The following JCHAIN variants were observed in gnomAD, a reference collection of about 807,000 sequenced individuals.
JCHAIN encodes joining chain of multimeric IgA and IgM, also known as immunoglobulin J chain.
JCHAIN carries 5 observed loss-of-function variants against 11.1 expected under a neutral mutation model. The ratio of observed to expected loss-of-function variants is 0.45; its 90% CI spans 0.24 to 0.95. The LOEUF (loss-of-function observed/expected upper bound fraction) is 0.95, where lower values mean the gene tolerates loss of function less well. JCHAIN is among the 40% of genes least tolerant of loss of function. The probability of loss-of-function intolerance (pLI) is 0.21; values close to 1 mark genes in which losing one functional copy is unlikely to be tolerated. For missense variants in JCHAIN, 165 were observed against 192.7 expected (o/e 0.86, Z 0.85); for synonymous variants, 51 against 67.8 (o/e 0.75, Z 1.22).
chr4:70,664,848 C>T (rs563576154), intron 1 of JCHAIN, among the ~76,000 whole-genome samples: 4 of 152,186 alleles, frequency 2.6e-5, no homozygotes, highest in South Asian at 2.1e-4. Flanking sequence ...TACTTCCTTA[C>T]CAGAAACCTG....
chr4:70,657,283 A>C lies in JCHAIN; in HGVS notation c.197T>G (p.Leu66Arg). 1.3e-6 allele frequency: 2 copies of C among 1,587,370 alleles called. No homozygotes were observed. Among genetic ancestry groups the C allele is most frequent in the Non-Finnish European group, 1.7e-6 (2 of 1,157,312 alleles). The change falls in exon 3 of 4, where the codon CTG becomes CGG. Residue 66 changes from leucine (L) to arginine (R), a missense_variant. Transcript: ENST00000254801. ...VERNIRIIVP[L>R]NNRENISDPT... is the part of the protein sequence containing the mutation. ...ATCAGAGATATTCTCCCTGTTGTTCAGAGGAACACTAAAAGAAAAGAAAGA... is the reference window on the plus strand; with the variant it reads ...ATCAGAGATATTCTCCCTGTTGTTCCGAGGAACACTAAAAGAAAAGAAAGA...
chr4:70,662,568 CTT>C (rs1470319394), intron 1 of JCHAIN, among the ~76,000 whole-genome samples: 8 of 152,092 alleles, frequency 5.3e-5, no homozygotes, highest in Non-Finnish European at 1.2e-4. Context: ...TTTTGTAAGA[CTT>C]TTAAATATTC....
At chr4:70,662,520 A>G (rs1230399838) in intron 1 of JCHAIN, among the ~76,000 whole-genome samples, 1 of 152,138 alleles carries the variant, frequency 6.6e-6, no homozygotes, top group Non-Finnish European at 1.5e-5. Context: ...ATTGTATTAT[A>G]GTTAAGAACA....
chr4:70,664,780 G>C (rs1040761876), intron 1 of JCHAIN, among the ~76,000 whole-genome samples: 1 of 152,134 alleles, frequency 6.6e-6, no homozygotes, highest in Admixed American at 6.5e-5. Context: ...TTGTTGAGGA[G>C]TGACTTGACT....
At chr4:70,663,500 T>C (rs1202522147) in intron 1 of JCHAIN, 1 of 151,910 alleles carries the variant, frequency 6.6e-6, no homozygotes, top group Non-Finnish European at 1.5e-5. Flanking sequence ...CCTTGATAAG[T>C]ATTGCAAGGA....
chr4:70,664,894 A>G (rs1004072999), intron 1 of JCHAIN, among the ~76,000 whole-genome samples: 1 of 152,234 alleles, frequency 6.6e-6, no homozygotes, highest in Non-Finnish European at 1.5e-5. Flanking sequence ...GCAGCCTAAT[A>G]TCTATCAGAA....
intron 2 of JCHAIN, among the ~76,000 whole-genome samples, chr4:70,658,769 C>T (rs551978381): frequency 2.6e-5 from 4 of 152,304 alleles, no homozygotes; most frequent in African/African-American, 9.6e-5. Flanking sequence ...CTCCCACTGC[C>T]ACCCTTCTCC....
intron 1 of JCHAIN, 105 bp from the exon 2 acceptor site, chr4:70,662,320 T>A (rs1739075432): frequency 2.0e-6 from 2 of 1,004,538 alleles, no homozygotes; most frequent in East Asian, 5.2e-5. Context: ...AGTTTTATGG[T>A]TGGTTTGTCT....
chr4:70,659,377 T>C (rs112782780), intron 2 of JCHAIN, among the ~76,000 whole-genome samples: 3,384 of 150,846 alleles, frequency 0.022, 114 homozygotes, highest in African/African-American at 0.073. Flanking sequence ...TGATGAAACC[T>C]TGTCTCTACT....
intron 2 of JCHAIN, among the ~76,000 whole-genome samples, chr4:70,657,492 A>ACAACAACTC (rs1738971135): frequency 1.3e-5 from 2 of 152,164 alleles, no homozygotes; most frequent in Admixed American, 6.6e-5. Flanking sequence ...AATAAACCTC[A>ACAACAACTC]CAACAACTCC....
chr4:70,661,718 G>T (rs530018095), intron 2 of JCHAIN, among the ~76,000 whole-genome samples: 16 of 152,324 alleles, frequency 1.1e-4, no homozygotes, highest in African/African-American at 3.8e-4. Flanking sequence ...GTTCGAGGCT[G>T]CAGTAAGCAG....
chr4:70,657,057 AATT>A (rs1488988903), intron 3 of JCHAIN, among the ~76,000 whole-genome samples, 151 bp downstream of exon 3: 1 of 152,204 alleles, frequency 6.6e-6, no homozygotes, highest in African/African-American at 2.4e-5. Flanking sequence ...GATACCTAAT[AATT>A]AACATAGGAA....
chr4:70,663,575 T>C (rs1403987284), intron 1 of JCHAIN: 1 of 150,928 alleles, frequency 6.6e-6, no homozygotes, highest in African/African-American at 2.4e-5. Context: ...TTTAATTTTA[T>C]TTTTTGAGAC....
chr4:70,664,821 C>A (rs1739123374), intron 1 of JCHAIN, among the ~76,000 whole-genome samples: 1 of 152,092 alleles, frequency 6.6e-6, no homozygotes, highest in African/African-American at 2.4e-5. Context: ...TGTCTATATT[C>A]TATTACGGCA....
chr4:70,662,745 G>T (rs1389543688), intron 1 of JCHAIN, among the ~76,000 whole-genome samples: 3 of 152,086 alleles, frequency 2.0e-5, no homozygotes, highest in African/African-American at 7.2e-5. Flanking sequence ...CAGATCACAG[G>T]GTCAGGAGTT....
intron 3 of JCHAIN, among the ~76,000 whole-genome samples, chr4:70,656,899 T>C (rs777509007): frequency 1.5e-4 from 23 of 152,312 alleles, no homozygotes; most frequent in Non-Finnish European, 2.1e-4. Flanking sequence ...GAGTCTGTCA[T>C]TTCCAAAGAA....
intron 1 of JCHAIN, among the ~76,000 whole-genome samples, 198 bp downstream of exon 1, chr4:70,666,225 CAAGT>C (rs760360458): frequency 5.3e-5 from 8 of 151,828 alleles, no homozygotes; most frequent in South Asian, 2.1e-4. Context: ...AGTAGGCAAA[CAAGT>C]AAGTAAGATA....
intron 2 of JCHAIN, among the ~76,000 whole-genome samples, chr4:70,661,035 A>G (rs565091156): frequency 6.8e-4 from 103 of 152,344 alleles, no homozygotes; most frequent in African/African-American, 2.4e-3. Flanking sequence ...GCATACAAAA[A>G]CACACAACTA....
intron 1 of JCHAIN, among the ~76,000 whole-genome samples, chr4:70,663,044 A>G (rs1384894167): frequency 6.6e-6 from 1 of 152,230 alleles, no homozygotes; most frequent in African/African-American, 2.4e-5. Context: ...GCAATTTAGA[A>G]ATATTATGAG....
Sources: gnomAD v4.1 joint callset for allele counts (sites outside exome capture counted in the v4.1 genomes callset) on GRCh38, gnomAD v4.1.1 for gene constraint, MANE v1.5 for transcripts, NCBI Gene and HGNC (gene_info 2026-07-23, HGNC 2026-07-21) for gene names.